TRAPPC9: variants seen among roughly 807,000 people sequenced by gnomAD.
The protein encoded by TRAPPC9 is IKK2 binding protein.
In TRAPPC9, 83 loss-of-function variants were observed where a neutral mutation model predicts 124.0. That is an observed-to-expected ratio of 0.67 (90% CI 0.56 to 0.80). The LOEUF (loss-of-function observed/expected upper bound fraction) is 0.80. Ranked by LOEUF, TRAPPC9 falls within the 30% of genes least tolerant of loss-of-function variation. The probability of loss-of-function intolerance (pLI) is 0.00; values close to 1 mark genes in which losing one functional copy is unlikely to be tolerated. For missense variants in TRAPPC9, 1,302 were observed against 1,508.3 expected (o/e 0.86, Z 2.27); for synonymous variants, 638 against 617.5 (o/e 1.03, Z -0.49).
intron 21 of TRAPPC9, among the ~76,000 whole-genome samples, chr8:139,815,067 G>C (rs1824735874): frequency 6.6e-6 from 1 of 152,182 alleles, no homozygotes; most frequent in Non-Finnish European, 1.5e-5. Flanking sequence ...TCCTGTTGTG[G>C]GTCAGCTTCA....
At chr8:139,773,172 G>C (rs1307956823) in intron 21 of TRAPPC9, among the ~76,000 whole-genome samples, 1 of 152,238 alleles carries the variant, frequency 6.6e-6, no homozygotes, top group Non-Finnish European at 1.5e-5. Context: ...CCAGCAGGTA[G>C]GGCTGTGTGG....
chr8:140,405,862 C>T (rs1279584043), intron 5 of TRAPPC9, among the ~76,000 whole-genome samples, 164 bp from the exon 6 acceptor site: 2 of 152,182 alleles, frequency 1.3e-5, no homozygotes, highest in East Asian at 3.8e-4. Flanking sequence ...AATAGCCTTG[C>T]TATCAAAGCA....
chr8:140,255,937 G>A (rs1383991109), intron 15 of TRAPPC9, among the ~76,000 whole-genome samples: 1 of 152,040 alleles, frequency 6.6e-6, no homozygotes, highest in Non-Finnish European at 1.5e-5. Flanking sequence ...GGAATTTAGT[G>A]AAAGGGAAAT....
At chr8:139,856,984 G>A (rs1217754024) in intron 21 of TRAPPC9, among the ~76,000 whole-genome samples, 1 of 152,098 alleles carries the variant, frequency 6.6e-6, no homozygotes, top group Non-Finnish European at 1.5e-5. Context: ...GAGCACTGAG[G>A]TCTGAGAGAG....
chr8:140,379,151 GGT>G (rs1563985150), intron 7 of TRAPPC9, among the ~76,000 whole-genome samples: 1 of 150,916 alleles, frequency 6.6e-6, no homozygotes, highest in African/African-American at 2.4e-5. Flanking sequence ...GGCCCAGCCT[GGT>G]AACTGGGGCC....
At chr8:140,266,181 G>A (rs1178794642) in intron 15 of TRAPPC9, among the ~76,000 whole-genome samples, 1 of 152,104 alleles carries the variant, frequency 6.6e-6, no homozygotes. Context: ...AAGTGGCCAG[G>A]CATGGTGGGT....
At chr8:140,264,463 A>G (rs1042295532) in intron 15 of TRAPPC9, among the ~76,000 whole-genome samples, 5 of 152,036 alleles carry the variant, frequency 3.3e-5, no homozygotes, top group Non-Finnish European at 7.4e-5. Context: ...TTTTAATGAA[A>G]GTATACCTTT....
chr8:139,947,644 G>C (rs944316145), intron 19 of TRAPPC9, among the ~76,000 whole-genome samples: 3 of 151,826 alleles, frequency 2.0e-5, no homozygotes, highest in African/African-American at 7.3e-5. Flanking sequence ...TGGATCACCT[G>C]AAGTCAGGAG....
intron 21 of TRAPPC9, among the ~76,000 whole-genome samples, chr8:139,856,530 T>C (rs185553887): frequency 6.6e-6 from 1 of 152,092 alleles, no homozygotes; most frequent in African/African-American, 2.4e-5. Context: ...TGGGACAATG[T>C]CCTCTCAGCT....
chr8:140,349,472 G>T (rs1462293678), intron 9 of TRAPPC9, among the ~76,000 whole-genome samples: 1 of 151,360 alleles, frequency 6.6e-6, no homozygotes, highest in Non-Finnish European at 1.5e-5. Context: ...GGGCCGAAGG[G>T]GGCGCGCGAG....
intron 21 of TRAPPC9, among the ~76,000 whole-genome samples, chr8:139,789,471 C>A (rs1180672137): frequency 6.6e-6 from 1 of 150,992 alleles, no homozygotes; most frequent in African/African-American, 2.5e-5. Flanking sequence ...GTGGCCTCAT[C>A]CCCCCCCAGG....
intron 19 of TRAPPC9, among the ~76,000 whole-genome samples, chr8:139,914,265 C>T (rs144554269): frequency 2.0e-4 from 31 of 152,334 alleles, no homozygotes; most frequent in Non-Finnish European, 3.5e-4. Flanking sequence ...AGAGGGCATG[C>T]GGGGTGGTGG....
chr8:140,077,627 C>T (rs905583975), intron 17 of TRAPPC9, among the ~76,000 whole-genome samples: 9 of 151,826 alleles, frequency 5.9e-5, no homozygotes, highest in Non-Finnish European at 1.2e-4. Flanking sequence ...AGTGGCTGGT[C>T]GATGTGATGT....
intron 4 of TRAPPC9, among the ~76,000 whole-genome samples, chr8:140,426,854 C>A (rs553778127): frequency 1.7e-4 from 26 of 151,894 alleles, no homozygotes; most frequent in Admixed American, 6.6e-4. Context: ...ATTACTCATA[C>A]CCTAAACAAA....
At chr8:140,101,541 G>GTTTTTTTTTTTTTTTT (rs11387005) in intron 17 of TRAPPC9, among the ~76,000 whole-genome samples, 5 of 114,966 alleles carry the variant, frequency 4.3e-5, no homozygotes, top group Non-Finnish European at 6.7e-5. Flanking sequence ...TCTTTTTTTT[G>GTTTTTTTTTTTTTTTT]TTTTTTTTTT....
intron 21 of TRAPPC9, among the ~76,000 whole-genome samples, chr8:139,747,054 A>T (rs1175437819): frequency 6.6e-6 from 1 of 152,242 alleles, no homozygotes; most frequent in Non-Finnish European, 1.5e-5. Flanking sequence ...ATGCAAAGAC[A>T]GCTTTCTGAG....
chr8:139,951,613 CTT>C (rs1834648589), intron 19 of TRAPPC9, among the ~76,000 whole-genome samples: 1 of 152,294 alleles, frequency 6.6e-6, no homozygotes, highest in East Asian at 1.9e-4. Flanking sequence ...GGCACTGAAA[CTT>C]AGGAGAAGCT....
In TRAPPC9 at chr8:140,106,491, G is replaced by A. The variant is rs138031808; in HGVS notation, c.2557-82412C>T. 8.5e-5 allele frequency among the ~76,000 whole-genome samples: 13 copies of A among 152,372 alleles called. No homozygotes were observed. In the East Asian group the frequency reaches 2.5e-3, roughly 29 times the overall value. On this transcript the variant is annotated intron_variant, in intron 17 of 22. Transcript: ENST00000438773. ...GGCCTTGCCAAGATGCCCGCAGGGT[G>A]AGTGGATGTCACGGCCTATGGGGCT...
At chr8:140,326,842 C>T (rs916470820) in intron 9 of TRAPPC9, among the ~76,000 whole-genome samples, 5 of 152,192 alleles carry the variant, frequency 3.3e-5, no homozygotes, top group African/African-American at 4.8e-5. Context: ...GATTGTGCCA[C>T]TGAACTCCAG....
Sources: allele counts gnomAD v4.1 joint callset (sites outside exome capture counted in the v4.1 genomes callset), GRCh38; gene constraint gnomAD v4.1.1; transcripts MANE v1.5; gene names NCBI Gene and HGNC (gene_info 2026-07-23, HGNC 2026-07-21).